The following RIPOR2 variants were observed in gnomAD, a reference collection of about 807,000 sequenced individuals.
RIPOR2 encodes the protein RHO family interacting cell polarization regulator 2.
Under a neutral mutation model 114.5 loss-of-function variants are expected in RIPOR2, and 39 were observed. That is an observed-to-expected ratio of 0.34 (90% confidence interval 0.26 to 0.44). RIPOR2 has a LOEUF of 0.44. Among genes scored for constraint, RIPOR2 ranks in the 20% least tolerant of loss-of-function variants. RIPOR2 has a pLI of 1.00. For missense variants in RIPOR2, 1,007 were observed against 1,255.1 expected, an observed-to-expected ratio of 0.80 and a Z score of 2.99; for synonymous variants, 445 against 484.4, an observed-to-expected ratio of 0.92 and a Z score of 1.07.
intron 1 of RIPOR2, among the ~76,000 whole-genome samples, chr6:24,963,214 G>T (rs1188716775): frequency 2.0e-5 from 3 of 152,048 alleles, no homozygotes; most frequent in Non-Finnish European, 4.4e-5. Context: ...TGTAATTTTA[G>T]CAGAGACGGG....
chr6:24,850,018 A>AT (rs552345394), intron 10 of RIPOR2, 68 bp from the exon 11 acceptor site: 227 of 1,361,714 alleles, frequency 1.7e-4, no homozygotes, highest in South Asian at 2.2e-4. Context: ...ATAATGTGTC[A>AT]TTTTTTTTAC....
intron 1 of RIPOR2, among the ~76,000 whole-genome samples, chr6:25,020,307 A>T (rs1026671788): frequency 6.6e-6 from 1 of 152,216 alleles, no homozygotes; most frequent in Admixed American, 6.5e-5. Flanking sequence ...GATCCTTCTG[A>T]TTTAGTTAGA....
chr6:24,971,383 T>C (rs1773782049), intron 1 of RIPOR2, among the ~76,000 whole-genome samples: 1 of 152,218 alleles, frequency 6.6e-6, no homozygotes, highest in African/African-American at 2.4e-5. Context: ...GTGCTGGATA[T>C]AGGGATACAG....
intron 1 of RIPOR2, among the ~76,000 whole-genome samples, chr6:25,003,423 T>TATTATCATC (rs769816451): frequency 7.3e-6 from 1 of 137,796 alleles, no homozygotes; most frequent in Non-Finnish European, 1.6e-5. Flanking sequence ...TTATTATTAT[T>TATTATCATC]ATCATCTCCT....
chr6:24,995,562 G>T (rs1292676791), intron 1 of RIPOR2, among the ~76,000 whole-genome samples: 1 of 152,228 alleles, frequency 6.6e-6, no homozygotes, highest in Non-Finnish European at 1.5e-5. Flanking sequence ...CATCAGGGAA[G>T]TGAACTTGGA....
chr6:24,877,410 A>T (rs1765905747), intron 1 of RIPOR2: 1 of 951,352 alleles, frequency 1.1e-6, no homozygotes, highest in Non-Finnish European at 1.3e-6. Flanking sequence ...TTGCTCTTTC[A>T]TCTGGGTGAG....
At chr6:24,961,388 G>A (rs1773299897) in intron 1 of RIPOR2, among the ~76,000 whole-genome samples, 1 of 152,160 alleles carries the variant, frequency 6.6e-6, no homozygotes, top group African/African-American at 2.4e-5. Context: ...CAACACCTAA[G>A]AAGTCCCTAG....
intron 1 of RIPOR2, chr6:25,024,579 A>G: frequency 1.9e-6 from 1 of 518,546 alleles, no homozygotes; most frequent in Admixed American, 3.0e-5. Context: ...GGCAGGCGAC[A>G]GAACAAGAGC....
At chr6:24,966,771 G>A (rs1773546980) in intron 1 of RIPOR2, among the ~76,000 whole-genome samples, 1 of 152,192 alleles carries the variant, frequency 6.6e-6, no homozygotes, top group Admixed American at 6.5e-5. Flanking sequence ...GACAGGTGAT[G>A]AGCTTAGTGA....
chr6:24,993,081 A>G (rs1412911820), intron 1 of RIPOR2, among the ~76,000 whole-genome samples: 2 of 152,202 alleles, frequency 1.3e-5, no homozygotes, highest in South Asian at 2.1e-4. Context: ...TCAGATCAAT[A>G]GTAACATTTT....
intron 1 of RIPOR2, among the ~76,000 whole-genome samples, chr6:25,030,356 G>A (rs1354529282): frequency 1.3e-5 from 2 of 152,252 alleles, no homozygotes; most frequent in Middle Eastern, 3.4e-3. Context: ...AGAGGGTTCA[G>A]AGTCCCTCGT....
intron 1 of RIPOR2, among the ~76,000 whole-genome samples, chr6:24,891,820 G>A (rs1000909735): frequency 3.3e-5 from 5 of 152,104 alleles, no homozygotes; most frequent in African/African-American, 1.2e-4. Context: ...ATGGTCCTTA[G>A]CCAATTTACC....
intron 1 of RIPOR2, among the ~76,000 whole-genome samples, chr6:24,892,204 C>T (rs1767433364): frequency 6.6e-6 from 1 of 152,198 alleles, no homozygotes; most frequent in African/African-American, 2.4e-5. Flanking sequence ...AGACTCCCGT[C>T]TCCCCTAATG....
At chr6:24,948,360 C>T (rs575614426) in intron 1 of RIPOR2, 1 of 152,368 alleles carries the variant, frequency 6.6e-6, no homozygotes, top group African/African-American at 2.4e-5. Context: ...TAACTATCCC[C>T]TCATTGGGCC....
intron 1 of RIPOR2, among the ~76,000 whole-genome samples, chr6:24,967,793 G>A (rs1453694862): frequency 3.9e-5 from 6 of 152,058 alleles, no homozygotes; most frequent in African/African-American, 1.2e-4. Context: ...GGAAACTGAG[G>A]TGTAAGAAAA....
At position 24,839,935 on chromosome 6, in the gene RIPOR2, C is replaced by CTTTTTTTTTTTTTTTTTTTTTTTT. The variant is rs760508182; in HGVS notation, c.1858-687_1858-664dup. On this transcript the variant is annotated intron_variant, in intron 13 of 21. Transcript: ENST00000643898. ...GTTCCCTAGGTAAGAAGCCCTGCATCTTTTTTTTTTTTTTTTTTTTTTTTT... is the reference window on the plus strand; with the variant it reads ...GTTCCCTAGGTAAGAAGCCCTGCATCTTTTTTTTTTTTTTTTTTTTTTTTTTTTTTTTTTTTTTTTTTTTTTTTT... 3 of 318,834 alleles carry CTTTTTTTTTTTTTTTTTTTTTTTT rather than the reference C, an allele frequency of 9.4e-6. 1 individual carries two copies. Among genetic ancestry groups the CTTTTTTTTTTTTTTTTTTTTTTTT allele is most frequent in the African/African-American group, 1.1e-4 (2 of 17,856 alleles). The allele number at this position is 318,834 out of a possible 1,614,324, so 19.8% of individuals were successfully genotyped here. A position where few individuals can be genotyped will look rare whatever the true frequency, so the allele number is the denominator to read the frequency against.
intron 13 of RIPOR2, among the ~76,000 whole-genome samples, chr6:24,841,620 T>A (rs1188695468): frequency 2.2e-4 from 29 of 129,824 alleles, no homozygotes; most frequent in Admixed American, 1.4e-3. Context: ...TCACCATATT[T>A]TTTTTTTTTT....
At chr6:24,877,384 A>G in intron 1 of RIPOR2, 2 of 984,612 alleles carry the variant, frequency 2.0e-6, no homozygotes, top group South Asian at 4.7e-5. Context: ...ACTTGGCTAC[A>G]GGTATGGCAA....
chr6:25,005,481 A>G (rs1775510214), intron 1 of RIPOR2, among the ~76,000 whole-genome samples: 1 of 151,812 alleles, frequency 6.6e-6, no homozygotes, highest in South Asian at 2.1e-4. Flanking sequence ...AATATCCCTA[A>G]ATAGCCGGTA....
Sources: gnomAD v4.1 joint callset for allele counts (sites outside exome capture counted in the v4.1 genomes callset) on GRCh38, gnomAD v4.1.1 for gene constraint, MANE v1.5 for transcripts, NCBI Gene and HGNC (gene_info 2026-07-23, HGNC 2026-07-21) for gene names.